The following PACS1 variants were observed in gnomAD, a reference collection of about 807,000 sequenced individuals.
PACS1 encodes the protein PACS-1.
In PACS1, 24 loss-of-function variants were observed where a neutral mutation model predicts 115.0. That is an observed-to-expected ratio of 0.21 (90% CI 0.15 to 0.29). PACS1 has a LOEUF of 0.29. Among genes scored for constraint, PACS1 ranks in the 10% least tolerant of loss-of-function variants. The probability of loss-of-function intolerance (pLI) is 1.00; values close to 1 mark genes in which losing one functional copy is unlikely to be tolerated. For synonymous variants in PACS1, 453 were observed against 504.5 expected (o/e 0.90, Z 1.37); for missense variants, 838 against 1,251.2 (o/e 0.67, Z 4.98).
chr11:66,219,701 C>A (rs754319207), intron 7 of PACS1, 45 bp from the exon 8 acceptor site: 63 of 1,476,508 alleles, frequency 4.3e-5, no homozygotes, highest in Middle Eastern at 3.4e-4. Flanking sequence ...TGAATTGACC[C>A]CAAGTGGACG....
At chr11:66,097,328 ACT>A (rs1384940399) in intron 1 of PACS1, among the ~76,000 whole-genome samples, 2 of 150,856 alleles carry the variant, frequency 1.3e-5, no homozygotes, top group Non-Finnish European at 1.5e-5. Flanking sequence ...TTGTGAGGAG[ACT>A]CTCTCCCTTG....
In PACS1 at chr11:66,070,679, GCCT is replaced by G. The variant is rs1333660282; in HGVS notation, c.201_203del (p.Ser71del). ...GTCCTCGTCCACCTCGGCGGCGGCTGCCTCCTCCTCGTCCTCGTCTACCTCCAC... is the reference window on the plus strand; with the variant it reads ...GTCCTCGTCCACCTCGGCGGCGGCTGCCTCCTCGTCCTCGTCTACCTCCAC... On this transcript the variant is annotated inframe_deletion, in exon 1 of 24. Coordinates refer to ENST00000320580, the MANE Select transcript of PACS1 (RefSeq NM_018026.4). This position sits in a 1 kb window ranked among gnomAD's most constrained non-coding sequence, Gnocchi z 5.9. The G allele has an allele frequency of 6.3e-7, 1 of 1,576,026 alleles. No homozygotes were observed. Among genetic ancestry groups the G allele is most frequent in the South Asian group, 1.1e-5 (1 of 88,248 alleles).
At chr11:66,240,355 G>A (rs1016263039) in intron 21 of PACS1, among the ~76,000 whole-genome samples, 1 of 152,164 alleles carries the variant, frequency 6.6e-6, no homozygotes, top group African/African-American at 2.4e-5. Context: ...GAGGTGAGGA[G>A]AGCAGGCGTG....
rs1857294408 is a variant in PACS1, at chr11:66,070,754, C to G, written c.268C>G (p.Pro90Ala). ...VASGSAPPGG[P>A]GPGRTPAPVQ... The stretch of plus-strand genomic sequence containing the variant: ...CTCGGGCTCCGCGCCTCCCGGTGGC[C>G]CGGGGCCAGGCCGCACCCCCGCCCC... The change falls in exon 1 of 24, where the codon CCG becomes GCG. Residue 90 changes from proline (P) to alanine (A), a missense_variant. Physicochemically the swap from Pro to Ala is conservative, Grantham distance 27 (BLOSUM62 -1). This residue lies in a region of PACS1 where 129 missense variants were observed against 109.4 expected (regional missense o/e 1.18). Coordinates refer to ENST00000320580, the MANE Select transcript of PACS1 (RefSeq NM_018026.4). This position sits in a 1 kb window ranked among gnomAD's most constrained non-coding sequence, Gnocchi z 5.9. 2 of 1,554,048 alleles carry G rather than the reference C, an allele frequency of 1.3e-6. No homozygotes were observed. Among genetic ancestry groups the G allele is most frequent in the South Asian group, 2.3e-5 (2 of 85,334 alleles).
intron 1 of PACS1, among the ~76,000 whole-genome samples, chr11:66,158,186 C>G (rs1859403426): frequency 6.6e-6 from 1 of 152,216 alleles, no homozygotes; most frequent in Admixed American, 6.5e-5. Flanking sequence ...CCAGACTAGT[C>G]TCGAGCTCCT....
chr11:66,106,407 A>G (rs1291688658), intron 1 of PACS1, among the ~76,000 whole-genome samples: 1 of 152,156 alleles, frequency 6.6e-6, no homozygotes, highest in Non-Finnish European at 1.5e-5. Flanking sequence ...CCCCATTTCT[A>G]CTAAAAATAC....
chr11:66,138,775 C>A (rs1034613254), intron 1 of PACS1, among the ~76,000 whole-genome samples: 1 of 151,772 alleles, frequency 6.6e-6, no homozygotes, highest in Non-Finnish European at 1.5e-5. Context: ...CTCCGCCTCC[C>A]GGGTTCAAGT....
chr11:66,210,271 AG>A, intron 2 of PACS1, 90 bp from the exon 3 acceptor site: 1 of 929,708 alleles, frequency 1.1e-6, no homozygotes, highest in South Asian at 1.3e-5. Flanking sequence ...CCTGAGTCCA[AG>A]CAGTCCTTCT....
intron 1 of PACS1, among the ~76,000 whole-genome samples, chr11:66,115,248 G>C (rs1454526698): frequency 6.6e-6 from 1 of 151,358 alleles, no homozygotes; most frequent in Non-Finnish European, 1.5e-5. Flanking sequence ...GTGACCTTTG[G>C]TTGTAACATG....
intron 1 of PACS1, among the ~76,000 whole-genome samples, chr11:66,124,488 T>G (rs1157475611): frequency 6.6e-6 from 1 of 152,210 alleles, no homozygotes; most frequent in Non-Finnish European, 1.5e-5. Flanking sequence ...GCATAATTGG[T>G]TCATTCAGGA....
intron 1 of PACS1, among the ~76,000 whole-genome samples, chr11:66,079,601 T>C (rs575284019): frequency 2.0e-5 from 3 of 152,276 alleles, no homozygotes; most frequent in African/African-American, 4.8e-5. Flanking sequence ...CAGAGTGATA[T>C]TTTAAAATGA....
chr11:66,206,955 T>C (rs1314408105), intron 2 of PACS1, among the ~76,000 whole-genome samples: 1 of 152,204 alleles, frequency 6.6e-6, no homozygotes, highest in Non-Finnish European at 1.5e-5. Context: ...ATCTCAAACG[T>C]GCAAAAGTAG....
At chr11:66,130,463 T>C (rs989618933) in intron 1 of PACS1, among the ~76,000 whole-genome samples, 8 of 152,174 alleles carry the variant, frequency 5.3e-5, no homozygotes, top group African/African-American at 1.9e-4. Context: ...TTTATTGTTT[T>C]CTGTTGTCAC....
rs1461954439 is a variant in PACS1, at chr11:66,094,915, C to G, written c.356+24073C>G. 6.9e-4 allele frequency among the ~76,000 whole-genome samples: 105 copies of G among 151,606 alleles called. 1 individual carries two copies. The highest frequency in any genetic ancestry group is 2.5e-3 in the African/African-American group (102 of 41,386). On this transcript the variant is annotated intron_variant, in intron 1 of 23. Coordinates refer to ENST00000320580, the MANE Select transcript of PACS1 (RefSeq NM_018026.4). ...ATATACACAAATCAATAAATGTAAT[C>G]CAGCATATAAACAGAACCAAAGACA...
intron 1 of PACS1, among the ~76,000 whole-genome samples, chr11:66,185,532 GTTC>G (rs1458383498): frequency 3.9e-5 from 6 of 152,284 alleles, no homozygotes; most frequent in African/African-American, 1.2e-4. Flanking sequence ...GGCTAGAGGT[GTTC>G]TTCTGCCTGA....
chr11:66,229,185 G>C lies in PACS1; in HGVS notation c.1375-1363G>C, dbSNP rs1453002468. On this transcript the variant is annotated intron_variant, in intron 11 of 23. Transcript: ENST00000320580. ...GAGCCTGGGGATTCAAGACCAGCCC[G>C]GGCAACATGGAAAAACCCGTCTCTA... Among the ~76,000 whole-genome samples, 4 of 137,226 alleles carry C rather than the reference G, an allele frequency of 2.9e-5. No individual in the cohort carries two copies. The South Asian group carries it at 6.9e-4, about 24-fold the overall frequency. 90.0% of individuals were successfully genotyped at this position (137,226 alleles called of 152,430 possible).
intron 1 of PACS1, among the ~76,000 whole-genome samples, chr11:66,136,949 G>A (rs964646079): frequency 1.3e-5 from 2 of 151,096 alleles, no homozygotes; most frequent in African/African-American, 4.9e-5. Context: ...CTCTTGGCTT[G>A]TTGGGCTTTT....
chr11:66,185,879 A>G (rs1854351825), intron 1 of PACS1, among the ~76,000 whole-genome samples: 1 of 152,160 alleles, frequency 6.6e-6, no homozygotes, highest in South Asian at 2.1e-4. Context: ...ACACCTTGGG[A>G]ATCTGTTCCT....
intron 1 of PACS1, among the ~76,000 whole-genome samples, chr11:66,136,442 G>C (rs1858849259): frequency 1.3e-5 from 2 of 152,002 alleles, no homozygotes; most frequent in South Asian, 4.1e-4. Flanking sequence ...CCACTCCAGA[G>C]AACACCCTAC....
Sources: allele counts gnomAD v4.1 joint callset (sites outside exome capture counted in the v4.1 genomes callset), GRCh38; gene constraint gnomAD v4.1.1; regional missense constraint gnomAD v4.1.1; non-coding constraint Gnocchi (gnomAD v3.1); transcripts MANE v1.5; gene names NCBI Gene and HGNC (gene_info 2026-07-23, HGNC 2026-07-21).